The following GORAB variants were observed in gnomAD, a reference collection of about 807,000 sequenced individuals.
GORAB encodes the protein RAB6-interacting golgin.
Under a neutral mutation model 29.9 loss-of-function variants are expected in GORAB, and 17 were observed. That is an observed-to-expected ratio of 0.57 (90% CI 0.39 to 0.85). The LOEUF is 0.85. Ranked by LOEUF, GORAB falls within the 40% of genes least tolerant of loss-of-function variation. The pLI, the probability that GORAB is intolerant of heterozygous loss-of-function variation, is 0.00. For missense variants in GORAB, 442 were observed against 437.8 expected, an observed-to-expected ratio of 1.01 and a Z score of -0.09; for synonymous variants, 183 against 157.2, an observed-to-expected ratio of 1.16 and a Z score of -1.23.
At chr1:170,535,719 T>C (rs564399485) in intron 1 of GORAB, among the ~76,000 whole-genome samples, 8 of 152,158 alleles carry the variant, frequency 5.3e-5, no homozygotes, top group African/African-American at 1.7e-4. Context: ...TTTCTTCCTT[T>C]CTTTCTTCTT....
intron 1 of GORAB, among the ~76,000 whole-genome samples, chr1:170,535,772 G>A (rs1649024121): frequency 6.6e-6 from 1 of 151,686 alleles, no homozygotes; most frequent in South Asian, 2.1e-4. Flanking sequence ...TGCCTAGGTT[G>A]GTCTCAAACT....
At chr1:170,536,047 T>G (rs12138428) in intron 1 of GORAB, among the ~76,000 whole-genome samples, 38,553 of 152,040 alleles carry the variant, frequency 0.25, 6,234 homozygotes, top group Non-Finnish European at 0.36. Flanking sequence ...GGAAAACCCA[T>G]TAGGAATTTT....
In GORAB at chr1:170,544,585, T is replaced by G. The variant is rs941841650; in HGVS notation, c.522-120T>G. ...TATTTCAATTTTTCTGATTTTTTTC[T>G]AACTTTTAAAATATAAATTATAAAT... On this transcript the variant is annotated intron_variant, in intron 3 of 4. Transcript: ENST00000367763. The G allele has an allele frequency of 1.6e-5, 11 of 703,724 alleles. No homozygotes were observed. The Admixed American group carries it at 3.6e-4, about 23-fold the overall frequency. The allele number at this position is 703,724 out of a possible 1,614,324, so 43.6% of individuals were successfully genotyped here. A position where few individuals can be genotyped will look rare whatever the true frequency, so the allele number is the denominator to read the frequency against.
chr1:170,535,207 A>G (rs1648982590), intron 1 of GORAB, among the ~76,000 whole-genome samples: 2 of 152,246 alleles, frequency 1.3e-5, no homozygotes, highest in Admixed American at 1.3e-4. Context: ...GGAGACAGGA[A>G]ATAAATTCTC....
At chr1:170,548,907 G>GT (rs529381058) in intron 4 of GORAB, among the ~76,000 whole-genome samples, 101 of 151,972 alleles carry the variant, frequency 6.6e-4, no homozygotes, top group African/African-American at 2.3e-3. Flanking sequence ...ATTTTATTCT[G>GT]TTTTTTTAAA....
At chr1:170,551,319 A>G (rs1022344896) in intron 4 of GORAB, among the ~76,000 whole-genome samples, 2 of 152,102 alleles carry the variant, frequency 1.3e-5, no homozygotes, top group Non-Finnish European at 2.9e-5. Context: ...ACCAAGGTTG[A>G]GAAATCCTGC....
At chr1:170,549,229 T>C (rs1649971365) in intron 4 of GORAB, among the ~76,000 whole-genome samples, 1 of 152,192 alleles carries the variant, frequency 6.6e-6, no homozygotes, top group East Asian at 1.9e-4. Flanking sequence ...TGTATAATGC[T>C]CTTATTATTT....
intron 4 of GORAB, among the ~76,000 whole-genome samples, chr1:170,548,283 G>C (rs1649883588): frequency 6.6e-6 from 1 of 152,182 alleles, no homozygotes; most frequent in Non-Finnish European, 1.5e-5. Context: ...AACTTCCTCT[G>C]CCTTTCTCTT....
chr1:170,551,753 C>T (rs1317595195), intron 4 of GORAB, among the ~76,000 whole-genome samples: 1 of 152,176 alleles, frequency 6.6e-6, no homozygotes, highest in East Asian at 1.9e-4. Context: ...TGCCTTCACT[C>T]AAAAACAGCT....
intron 4 of GORAB, chr1:170,545,578 C>T: frequency 1.0e-6 from 1 of 985,278 alleles, no homozygotes; most frequent in Middle Eastern, 5.2e-4. Flanking sequence ...TCAGCCCTTT[C>T]AACATTGCTT....
intron 1 of GORAB, among the ~76,000 whole-genome samples, chr1:170,537,360 C>T (rs1424462128): frequency 1.3e-5 from 2 of 152,110 alleles, no homozygotes; most frequent in Non-Finnish European, 2.9e-5. Context: ...CCTCTCTCTT[C>T]TCCTTGTGTT....
At position 170,539,230 on chromosome 1, in the gene GORAB, C is replaced by T. The variant is rs761243601; in HGVS notation, c.82C>T (p.Arg28Cys). 1.4e-5 allele frequency: 23 copies of T among 1,613,992 alleles called. No individual in the cohort carries two copies. Among genetic ancestry groups the T allele is most frequent in the Admixed American group, 1.2e-4 (7 of 59,980 alleles). Residue 28 changes from arginine (R) to cysteine (C), a missense_variant, in exon 2 of 5, where the codon CGT becomes TGT. By Grantham distance (180) the Arg-to-Cys change is radical. Coordinates refer to ENST00000367763, the MANE Select transcript of GORAB (RefSeq NM_152281.3). ...QTKDPFEPQR[R>C]LPAKKSRQQL... is the part of the protein sequence containing the mutation. ...CATAGATCCATTTGAACCACAGCGA[C>T]GTCTCCCCGCGAAGAAAAGTCGACA... is the stretch of plus-strand genomic sequence containing the variant.
intron 4 of GORAB, 69 bp from the exon 5 acceptor site, chr1:170,551,946 C>T: frequency 7.3e-7 from 1 of 1,363,618 alleles, no homozygotes; most frequent in Non-Finnish European, 1.0e-6. Flanking sequence ...GTTATTGTTT[C>T]TAGATCCTCT....
At chr1:170,532,512 G>A (rs1648758492) in intron 1 of GORAB, 2 of 539,428 alleles carry the variant, frequency 3.7e-6, no homozygotes, top group South Asian at 4.0e-5. Context: ...AACGGTCCAG[G>A]AATCCACTGT....
At position 170,552,535 on chromosome 1, in the gene GORAB, T is replaced by G; in HGVS notation, c.*73T>G. ...TTTTGCAGTAGATCATGCCCTGACC[T>G]CCAATAAAAACCTCTTTAAAACAAT... On this transcript the variant is annotated 3_prime_UTR_variant, in exon 5 of 5. Transcript: ENST00000367763. 1.7e-6 allele frequency: 2 copies of G among 1,211,628 alleles called. No individual in the cohort carries two copies. Among genetic ancestry groups the G allele is most frequent in the South Asian group, 1.2e-5 (1 of 82,466 alleles). The allele number at this position is 1,211,628 out of a possible 1,614,324, so 75.1% of individuals were successfully genotyped here.
At chr1:170,535,180 G>A (rs1209823625) in intron 1 of GORAB, among the ~76,000 whole-genome samples, 2 of 152,180 alleles carry the variant, frequency 1.3e-5, no homozygotes, top group Non-Finnish European at 2.9e-5. Flanking sequence ...TTTACCAAAA[G>A]CAAGTCATAT....
chr1:170,551,466 T>C (rs546707559), intron 4 of GORAB, among the ~76,000 whole-genome samples: 12 of 152,328 alleles, frequency 7.9e-5, no homozygotes, highest in South Asian at 2.1e-4. Context: ...AATTTTTCTT[T>C]TTTTCTAATT....
intron 1 of GORAB, among the ~76,000 whole-genome samples, chr1:170,534,861 TG>T (rs1419939463): frequency 6.6e-6 from 1 of 152,142 alleles, no homozygotes; most frequent in African/African-American, 2.4e-5. Flanking sequence ...TTGTATATAG[TG>T]GGGAGGCGTG....
At chr1:170,538,764 A>C (rs1649207796) in intron 1 of GORAB, among the ~76,000 whole-genome samples, 1 of 152,234 alleles carries the variant, frequency 6.6e-6, no homozygotes, top group Non-Finnish European at 1.5e-5. Flanking sequence ...AAAGCTGTTA[A>C]AATTTAAGAG....
Sources: allele counts gnomAD v4.1 joint callset (sites outside exome capture counted in the v4.1 genomes callset), GRCh38; gene constraint gnomAD v4.1.1; transcripts MANE v1.5; gene names NCBI Gene and HGNC (gene_info 2026-07-23, HGNC 2026-07-21).